Variants in GSDME observed in about 807,000 individuals in gnomAD.
GSDME encodes the protein gasdermin-E.
GSDME carries 44 observed loss-of-function variants against 47.5 expected under a neutral mutation model. The ratio of observed to expected loss-of-function variants is 0.93; its 90% confidence interval spans 0.73 to 1.19. The LOEUF (loss-of-function observed/expected upper bound fraction) is 1.19. Ranked by LOEUF, GSDME falls within the 50% of genes most tolerant of loss-of-function variation. The pLI is 0.00. For missense variants in GSDME, 663 were observed against 604.2 expected (o/e 1.10, Z -1.02); for synonymous variants, 258 against 252.8 (o/e 1.02, Z -0.20).
rs1331237642 is a variant in GSDME, at chr7:24,705,518, TGA to T, written c.1183+664_1183+665del. The T allele has an allele frequency of 1.3e-5, 2 of 157,710 alleles. No homozygotes were observed. Among genetic ancestry groups the T allele is most frequent in the Non-Finnish European group, 2.8e-5 (2 of 71,398 alleles). 9.8% of individuals were successfully genotyped at this position (157,710 alleles called of 1,614,324 possible). A position where few individuals can be genotyped will look rare whatever the true frequency, so the allele number is the denominator to read the frequency against. ...ACTGGTTTGCCACAACTGGCTTTTC[TGA>T]GAGGGAATAGGAAGCCCAGCTTCCT... On this transcript the variant is annotated intron_variant, in intron 8 of 9. Transcript: ENST00000645220. This position sits in a 1 kb window ranked among gnomAD's most constrained non-coding sequence, Gnocchi z 4.1.
In GSDME at chr7:24,716,859, G is replaced by A; in HGVS notation, c.697+395C>T. On this transcript the variant is annotated intron_variant, in intron 5 of 9. Transcript: ENST00000645220. The surrounding 1 kb of genome is among the most constrained non-coding windows in gnomAD (Gnocchi z 4.5). ...GAAGAAATGCCCTTCACCTTCCAGA[G>A]ACAGGGAAGCCAAGACTCAGCAAGA... 1 of 296,514 alleles carries A rather than the reference G, an allele frequency of 3.4e-6. No homozygotes were observed. The allele number at this position is 296,514 out of a possible 1,614,324, so 18.4% of individuals were successfully genotyped here.
rs781729097 is a variant in GSDME, at chr7:24,716,925, C to A, written c.697+329G>T. ...GAGACCTCATAGGACATCATGGCAC[C>A]GGGGTTGATGCCCAGTGTGTCTGAT... On this transcript the variant is annotated intron_variant, in intron 5 of 9. Transcript: ENST00000645220. This position sits in a 1 kb window ranked among gnomAD's most constrained non-coding sequence, Gnocchi z 4.5. 1.0e-5 allele frequency: 4 copies of A among 383,872 alleles called. No individual in the cohort carries two copies. Among genetic ancestry groups the A allele is most frequent in the South Asian group, 6.8e-5 (3 of 44,066 alleles). 23.8% of individuals were successfully genotyped at this position (383,872 alleles called of 1,614,324 possible).
At chr7:24,759,773 G>T (rs1264035216), upstream of GSDME, among the ~76,000 whole-genome samples, 1 of 152,208 alleles carries the variant, frequency 6.6e-6, no homozygotes, top group African/African-American at 2.4e-5. Flanking sequence ...TGTGTTGGGA[G>T]AGAGGGATGA....
the GSDME span, among the ~76,000 whole-genome samples, chr7:24,780,842 T>C: frequency 6.6e-6 from 1 of 152,188 alleles, no homozygotes; most frequent in East Asian, 1.9e-4. This position sits in a 1 kb window ranked among gnomAD's most constrained non-coding sequence, Gnocchi z 4.1. Flanking sequence ...GTTCTGAGTT[T>C]GGTGTGTATA....
At chr7:24,701,498 T>C (rs1426094349) in intron 9 of GSDME, among the ~76,000 whole-genome samples, 5 of 152,200 alleles carry the variant, frequency 3.3e-5, no homozygotes, top group Non-Finnish European at 7.3e-5. Context: ...TAACATGGGC[T>C]TGGCAGGATT....
intron 1 of GSDME, among the ~76,000 whole-genome samples, chr7:24,753,897 T>C (rs955219782): frequency 2.6e-5 from 4 of 152,110 alleles, no homozygotes; most frequent in Non-Finnish European, 5.9e-5. Context: ...TAGGGGACAA[T>C]ACACTGCCAC....
intron 1 of GSDME, among the ~76,000 whole-genome samples, chr7:24,753,702 A>G (rs1308526566): frequency 2.6e-5 from 4 of 152,192 alleles, no homozygotes; most frequent in Admixed American, 6.5e-5. Flanking sequence ...GCCTAGTTTT[A>G]GGTTGTGTTA....
rs377000223 is a variant in GSDME, at chr7:24,740,734, G to A, written c.404+3828C>T. Among the ~76,000 whole-genome samples, 88 of 152,150 alleles carry A rather than the reference G, an allele frequency of 5.8e-4. 1 individual carries two copies. In the East Asian group the frequency reaches 0.014, roughly 25 times the overall value. On this transcript the variant is annotated intron_variant, in intron 3 of 9. Transcript: ENST00000645220. The stretch of plus-strand genomic sequence containing the variant: ...AATTATGAAGATTTATCATGGTCAT[G>A]ACATTGCTTTAATATACTGGTTTCA...
intron 7 of GSDME, chr7:24,707,701 G>C (rs536717991): frequency 7.8e-5 from 30 of 384,666 alleles, no homozygotes; most frequent in Middle Eastern, 7.5e-4. Context: ...CACACACACA[G>C]AGGGGAAGCC....
intron 5 of GSDME, 39 bp from the exon 6 acceptor site, chr7:24,710,427 A>G (rs1267819464): frequency 3.7e-6 from 6 of 1,611,224 alleles, no homozygotes; most frequent in Non-Finnish European, 5.1e-6. Flanking sequence ...GGTAAAGTTG[A>G]GTCTAAGGTG....
chr7:24,704,485 G>A (rs1240562303), intron 8 of GSDME: 1 of 152,216 alleles, frequency 6.6e-6, no homozygotes, highest in African/African-American at 2.4e-5. Flanking sequence ...CAGAAGGGCG[G>A]AGGATTAGCA....
Position 24,699,187 on chromosome 7 carries a change from T to C in GSDME, c.1330A>G (p.Arg444Gly). The change falls in exon 10 of 10, where the codon AGG becomes GGG. Residue 444 changes from arginine to glycine, a missense_variant. Arg to Gly is a moderately radical substitution (Grantham distance 125, BLOSUM62 -2). Transcript: ENST00000645220. Reference protein sequence around the residue: ...PTLTPLKDTERFGIVQRLFAS... With the variant: ...PTLTPLKDTEGFGIVQRLFAS... ...AACAAGCGCTGCACAATCCCAAACC[T>C]TTCTGTATCTTTCAGGGGAGTCAAG... The C allele has an allele frequency of 6.2e-7, 1 of 1,614,186 alleles. No individual in the cohort carries two copies. Among genetic ancestry groups the C allele is most frequent in the Non-Finnish European group, 8.5e-7 (1 of 1,180,020 alleles).
rs1790311381 is a variant in GSDME at position 24,736,505 on chromosome 7, G to A, written c.404+8057C>T. On this transcript the variant is annotated intron_variant, in intron 3 of 9. Transcript: ENST00000645220. This position sits in a 1 kb window ranked among gnomAD's most constrained non-coding sequence, Gnocchi z 4.6. ...GTAAATATTTATGTACCCAACACTGGAGCACCCAGATATATAAAGAAAATA... is the reference window on the plus strand; with the variant it reads ...GTAAATATTTATGTACCCAACACTGAAGCACCCAGATATATAAAGAAAATA... 6.6e-6 allele frequency among the ~76,000 whole-genome samples: 1 copy of A among 152,160 alleles called. No homozygotes were observed. Among genetic ancestry groups the A allele is most frequent in the Admixed American group, 6.5e-5 (1 of 15,276 alleles).
chr7:24,722,507 T>C (rs1303535260), intron 3 of GSDME, among the ~76,000 whole-genome samples: 2 of 152,232 alleles, frequency 1.3e-5, no homozygotes, highest in East Asian at 3.9e-4. Context: ...AACGTCTGTC[T>C]GTGCCCTCAC....
intron 3 of GSDME, among the ~76,000 whole-genome samples, chr7:24,727,788 G>A (rs1283087155): frequency 6.6e-6 from 1 of 152,180 alleles, no homozygotes; most frequent in African/African-American, 2.4e-5. Flanking sequence ...ACACACCATT[G>A]CCTCCTTCAT....
rs534259624 is a variant in GSDME at position 24,741,824 on chromosome 7, G to A, written c.404+2738C>T. ...TAAGAATTTATTACTCCAGCATGAC[G>A]TAACAAGAATGTTAGCTTTACTGAG... On this transcript the variant is annotated intron_variant, in intron 3 of 9. Transcript: ENST00000645220. 7.9e-5 allele frequency among the ~76,000 whole-genome samples: 12 copies of A among 152,224 alleles called. No homozygotes were observed. In the South Asian group the frequency reaches 1.9e-3, roughly 24 times the overall value.
Position 24,698,971 on chromosome 7 carries a change from C to T in GSDME, c.*55G>A. 1 of 1,213,784 alleles carries T rather than the reference C, an allele frequency of 8.2e-7. No individual in the cohort carries two copies. The highest frequency in any genetic ancestry group is 2.5e-5 in the East Asian group (1 of 40,744). 75.2% of individuals were successfully genotyped at this position (1,213,784 alleles called of 1,614,324 possible). On this transcript the variant is annotated 3_prime_UTR_variant, in exon 10 of 10. Transcript: ENST00000645220. ...CTTTTAACGTGCATATGACCTTTAACAGTTCTGAAAAATAGCCTTGGCCAG... is the reference window on the plus strand; with the variant it reads ...CTTTTAACGTGCATATGACCTTTAATAGTTCTGAAAAATAGCCTTGGCCAG...
chr7:24,773,689 C>T, the GSDME span, among the ~76,000 whole-genome samples: 3 of 152,144 alleles, frequency 2.0e-5, no homozygotes, highest in Non-Finnish European at 4.4e-5. The surrounding 1 kb of genome is among the most constrained non-coding windows in gnomAD (Gnocchi z 5.4). Context: ...GATGGCATGG[C>T]CTCTTAGGTT....
At chr7:24,722,904 G>A (rs1271009630) in intron 3 of GSDME, among the ~76,000 whole-genome samples, 6 of 152,196 alleles carry the variant, frequency 3.9e-5, no homozygotes, top group Admixed American at 6.5e-5. Context: ...TCTGTGGGGC[G>A]GACCCACCAC....
Sources: gnomAD v4.1 joint callset for allele counts (sites outside exome capture counted in the v4.1 genomes callset) on GRCh38, gnomAD v4.1.1 for gene constraint, Gnocchi (gnomAD v3.1) non-coding constraint, MANE v1.5 for transcripts, NCBI Gene and HGNC (gene_info 2026-07-23, HGNC 2026-07-21) for gene names.